The following ZBTB40 variants were observed in gnomAD, a reference collection of about 807,000 sequenced individuals.
ZBTB40 encodes the protein zinc finger and BTB domain-containing protein 40.
Under a neutral mutation model 117.5 loss-of-function variants are expected in ZBTB40, and 60 were observed. That is an observed-to-expected ratio of 0.51 (90% CI 0.41 to 0.63). ZBTB40 has a LOEUF of 0.63. Among genes scored for constraint, ZBTB40 ranks in the 30% least tolerant of loss-of-function variants. The pLI is 0.00. For synonymous variants in ZBTB40, 525 were observed against 577.1 expected, an observed-to-expected ratio of 0.91 and a Z score of 1.29; for missense variants, 1,287 against 1,498.5, an observed-to-expected ratio of 0.86 and a Z score of 2.33.
intron 1 of ZBTB40, among the ~76,000 whole-genome samples, chr1:22,456,986 G>T (rs1641018690): frequency 6.6e-6 from 1 of 152,226 alleles, no homozygotes; most frequent in African/African-American, 2.4e-5. Context: ...AGGGAAAGAA[G>T]GCTGGGCACA....
intron 5 of ZBTB40, 136 bp downstream of exon 5, chr1:22,502,577 C>T: frequency 3.2e-6 from 4 of 1,231,474 alleles, no homozygotes; most frequent in Non-Finnish European, 4.6e-6. Flanking sequence ...AGTCAAGGTG[C>T]TTGTTTCATA....
intron 5 of ZBTB40, among the ~76,000 whole-genome samples, chr1:22,505,486 TC>T (rs1207757665): frequency 6.6e-6 from 1 of 152,096 alleles, no homozygotes; most frequent in Non-Finnish European, 1.5e-5. Context: ...TAATAAGGAA[TC>T]CACAAGAAAA....
intron 1 of ZBTB40, among the ~76,000 whole-genome samples, chr1:22,463,072 A>G (rs1641168034): frequency 6.6e-6 from 1 of 152,230 alleles, no homozygotes; most frequent in Non-Finnish European, 1.5e-5. Flanking sequence ...TAGCTCATTC[A>G]TACAACTACC....
chr1:22,518,263 C>G (rs547511767), intron 13 of ZBTB40, among the ~76,000 whole-genome samples: 2 of 152,288 alleles, frequency 1.3e-5, no homozygotes, highest in African/African-American at 2.4e-5. Context: ...GACCCTGACG[C>G]TTACTTTTCT....
chr1:22,519,948 CAG>C, intron 13 of ZBTB40, 111 bp from the exon 14 acceptor site: 1 of 956,666 alleles, frequency 1.0e-6, no homozygotes, highest in African/African-American at 1.6e-5. Context: ...TTACGTAAAG[CAG>C]AGTCTTCACA....
At chr1:22,523,571 G>A (rs1273564483) in intron 16 of ZBTB40, among the ~76,000 whole-genome samples, 2 of 152,156 alleles carry the variant, frequency 1.3e-5, no homozygotes, top group African/African-American at 2.4e-5. Context: ...AGAATTGAAG[G>A]CCATTCGTTT....
At chr1:22,464,742 G>A (rs1641212109) in intron 1 of ZBTB40, among the ~76,000 whole-genome samples, 1 of 152,112 alleles carries the variant, frequency 6.6e-6, no homozygotes. Flanking sequence ...GTATATGCAT[G>A]CACACATATT....
intron 1 of ZBTB40, among the ~76,000 whole-genome samples, chr1:22,465,817 A>C (rs1256189000): frequency 2.6e-5 from 4 of 151,964 alleles, no homozygotes; most frequent in Non-Finnish European, 5.9e-5. Context: ...CTCCCCAAGA[A>C]CACAAGGAGG....
At chr1:22,503,926 G>A (rs1054080424) in intron 5 of ZBTB40, among the ~76,000 whole-genome samples, 2 of 152,202 alleles carry the variant, frequency 1.3e-5, no homozygotes, top group African/African-American at 2.4e-5. Context: ...TGGTAAAACA[G>A]CATTTATAGA....
At chr1:22,503,475 G>A (rs563630632) in intron 5 of ZBTB40, among the ~76,000 whole-genome samples, 1 of 152,156 alleles carries the variant, frequency 6.6e-6, no homozygotes, top group Non-Finnish European at 1.5e-5. Flanking sequence ...TCCTAAAACC[G>A]TGGGAAGCGA....
intron 1 of ZBTB40, among the ~76,000 whole-genome samples, chr1:22,446,669 C>G (rs1232893801): frequency 6.6e-6 from 1 of 151,968 alleles, no homozygotes; most frequent in Non-Finnish European, 1.5e-5. Flanking sequence ...AACTAGAATT[C>G]TGTACGCTGT....
Position 22,526,228 on chromosome 1 carries a change from C to T in ZBTB40, c.3552C>T (p.Ala1184=). Reference sequence around the variant, plus strand: ...TGATCCAAACCCCAGAGCCGGTGGCCCCGACAGAGCAGGTGATCACTTTGG... The same window carrying T: ...TGATCCAAACCCCAGAGCCGGTGGCTCCGACAGAGCAGGTGATCACTTTGG... ...AQVIQTPEPV[A]PTEQVITLEE... Residue 1184 remains alanine (A), a synonymous_variant, in exon 18 of 18, where the codon GCC becomes GCT. Transcript: ENST00000375647. The T allele has an allele frequency of 6.2e-7, 1 of 1,614,164 alleles. No individual in the cohort carries two copies. The highest frequency in any genetic ancestry group is 8.5e-7 in the Non-Finnish European group (1 of 1,180,038).
At chr1:22,440,147 C>A (rs2124366066) in intron 1 of ZBTB40, among the ~76,000 whole-genome samples, 1 of 152,176 alleles carries the variant, frequency 6.6e-6, no homozygotes, top group Admixed American at 6.5e-5. Flanking sequence ...AGAAATACAA[C>A]TGATTTTTGT....
upstream of ZBTB40, among the ~76,000 whole-genome samples, chr1:22,451,450 C>G (rs1016406622): frequency 3.3e-5 from 5 of 151,962 alleles, no homozygotes; most frequent in African/African-American, 1.2e-4. Context: ...GCCTGGCCAA[C>G]ATGGTGACAT....
intron 5 of ZBTB40, 124 bp downstream of exon 5, chr1:22,502,565 G>A (rs538134586): frequency 1.3e-4 from 177 of 1,323,712 alleles, no homozygotes; most frequent in Admixed American, 7.1e-4. Context: ...TAAGCATCTC[G>A]AAGTCAAGGT....
At chr1:22,433,883 GT>G (rs1640635763) in intron 1 of ZBTB40, among the ~76,000 whole-genome samples, 1 of 149,078 alleles carries the variant, frequency 6.7e-6, no homozygotes, top group African/African-American at 2.5e-5. Flanking sequence ...TTTTTTTTTT[GT>G]TTGTTTGAAT....
chr1:22,445,720 T>G (rs1467865849), intron 1 of ZBTB40, among the ~76,000 whole-genome samples: 1 of 152,030 alleles, frequency 6.6e-6, no homozygotes, highest in Non-Finnish European at 1.5e-5. Context: ...CTGGGCATGG[T>G]GGTGCACACC....
At chr1:22,509,313 C>A in intron 9 of ZBTB40, 80 bp downstream of exon 9, 1 of 1,589,824 alleles carries the variant, frequency 6.3e-7, no homozygotes, top group Non-Finnish European at 8.6e-7. Flanking sequence ...AAGAGAGGAA[C>A]CAATAGTTGG....
At position 22,506,376 on chromosome 1, in the gene ZBTB40, C is replaced by T. The variant is rs1639077173; in HGVS notation, c.1360+135C>T. 4 of 921,634 alleles carry T rather than the reference C, an allele frequency of 4.3e-6. No homozygotes were observed. In the African/African-American group the frequency reaches 6.7e-5, roughly 15 times the overall value. 57.1% of individuals were successfully genotyped at this position (921,634 alleles called of 1,614,324 possible). A position where few individuals can be genotyped will look rare whatever the true frequency, so the allele number is the denominator to read the frequency against. The stretch of plus-strand genomic sequence containing the variant: ...TCATTGCAGAATAGAAACTAGCCGT[C>T]ATAAATCGATAATTCTCGATCTCTC... On this transcript the variant is annotated intron_variant, in intron 6 of 17. Transcript: ENST00000375647.
Sources: allele counts gnomAD v4.1 joint callset (sites outside exome capture counted in the v4.1 genomes callset), GRCh38; gene constraint gnomAD v4.1.1; transcripts MANE v1.5; gene names NCBI Gene and HGNC (gene_info 2026-07-23, HGNC 2026-07-21).